The following NRXN3 variants were observed in gnomAD, a reference collection of about 807,000 sequenced individuals.
NRXN3 encodes neurexin 3, also known as neurexin III.
In NRXN3, 32 loss-of-function variants were observed where a neutral mutation model predicts 137.6. That is an observed-to-expected ratio of 0.23 (90% CI 0.18 to 0.31). The LOEUF (loss-of-function observed/expected upper bound fraction) is 0.31, where lower values mean the gene tolerates loss of function less well. Among genes scored for constraint, NRXN3 ranks in the 10% least tolerant of loss-of-function variants. NRXN3 has a pLI of 1.00. For synonymous variants in NRXN3, 798 were observed against 784.5 expected, an observed-to-expected ratio of 1.02 and a Z score of -0.29; for missense variants, 1,574 against 2,062.5, an observed-to-expected ratio of 0.76 and a Z score of 4.59.
chr14:78,670,807 A>C (rs562333160), intron 6 of NRXN3, among the ~76,000 whole-genome samples: 6 of 152,294 alleles, frequency 3.9e-5, no homozygotes, highest in African/African-American at 1.4e-4. Context: ...AAGGGCAGGA[A>C]GAAGCCAGAA....
chr14:78,363,217 G>C (rs913209103), intron 4 of NRXN3, among the ~76,000 whole-genome samples: 1 of 152,144 alleles, frequency 6.6e-6, no homozygotes, highest in East Asian at 1.9e-4. Context: ...CTTGCAGGGC[G>C]TGAGCATCCA....
chr14:78,339,773 G>A (rs2081950218), intron 4 of NRXN3, among the ~76,000 whole-genome samples: 1 of 152,100 alleles, frequency 6.6e-6, no homozygotes, highest in South Asian at 2.1e-4. Flanking sequence ...ATTAGTGCCA[G>A]GGACTTTCTT....
intron 4 of NRXN3, among the ~76,000 whole-genome samples, chr14:78,584,246 G>A (rs2097035682): frequency 6.6e-6 from 1 of 152,166 alleles, no homozygotes; most frequent in Admixed American, 6.5e-5. Flanking sequence ...GATTGAACAA[G>A]CAGAAATTCA....
At chr14:78,333,739 T>A (rs1057113976) in intron 4 of NRXN3, among the ~76,000 whole-genome samples, 4 of 152,124 alleles carry the variant, frequency 2.6e-5, no homozygotes, top group African/African-American at 9.7e-5. Context: ...GGGGGGCATA[T>A]TTTATAAGCC....
rs1299481640 is a variant in NRXN3, at chr14:78,744,137, G to A, written c.2044+28998G>A. Among the ~76,000 whole-genome samples the A allele has an allele frequency of 2.6e-5, 4 of 152,098 alleles. No homozygotes were observed. In the East Asian group the frequency reaches 7.7e-4, roughly 29 times the overall value. ...GCAAGTACCAGGCTGATATCCTGCA[G>A]GTTTTTTGTTTGTTTGTTTGAAATG... On this transcript the variant is annotated intron_variant, in intron 8 of 20. Coordinates refer to ENST00000335750, the MANE Select transcript of NRXN3 (RefSeq NM_001330195.2).
chr14:78,967,348 C>A lies in NRXN3; in HGVS notation c.2918C>A (p.Thr973Asn), dbSNP rs578189474. ...NSNTHSLKVD[T>N]KVVTQVINGA... The stretch of plus-strand genomic sequence containing the variant: ...AACACTCATAGCCTGAAAGTGGACA[C>A]CAAAGTGGTCACTCAGGTTATCAAT... Residue 973 changes from threonine to asparagine, a missense_variant, in exon 13 of 21, where the codon ACC becomes AAC. Transcript: ENST00000335750. The A allele has an allele frequency of 1.2e-5, 20 of 1,613,916 alleles. 2 individuals are homozygous for A. In the South Asian group the frequency reaches 2.2e-4, roughly 18 times the overall value.
intron 19 of NRXN3, among the ~76,000 whole-genome samples, chr14:79,770,810 C>A (rs1352225106): frequency 2.0e-5 from 3 of 151,552 alleles, no homozygotes; most frequent in Non-Finnish European, 4.4e-5. Flanking sequence ...CACAAAAAAC[C>A]CTTCAAAAAA....
chr14:79,091,959 T>C (rs952871249), intron 15 of NRXN3, among the ~76,000 whole-genome samples: 4 of 152,192 alleles, frequency 2.6e-5, no homozygotes, highest in African/African-American at 7.2e-5. Context: ...TAGAACTGAA[T>C]GTGATTTCTA....
chr14:79,532,654 A>G (rs2097180000), intron 16 of NRXN3, among the ~76,000 whole-genome samples: 1 of 152,150 alleles, frequency 6.6e-6, no homozygotes, highest in Non-Finnish European at 1.5e-5. Context: ...GAAGTACCAT[A>G]GGTCTTTGTA....
chr14:78,512,368 C>G (rs970699414), intron 4 of NRXN3, among the ~76,000 whole-genome samples: 2 of 152,124 alleles, frequency 1.3e-5, no homozygotes, highest in African/African-American at 4.8e-5. Flanking sequence ...CAGAAAGGAT[C>G]ACAATTGAGG....
chr14:78,519,550 T>C (rs1024345903), intron 4 of NRXN3, among the ~76,000 whole-genome samples: 1 of 152,176 alleles, frequency 6.6e-6, no homozygotes. Flanking sequence ...TGCCTGGTGC[T>C]GGGAAAGCAA....
intron 15 of NRXN3, among the ~76,000 whole-genome samples, chr14:79,060,100 T>C (rs902470111): frequency 2.6e-5 from 4 of 152,178 alleles, no homozygotes; most frequent in Admixed American, 6.5e-5. Flanking sequence ...TGCCTCAGAC[T>C]TTGTGGAACC....
chr14:78,671,105 A>C (rs2097929810), intron 6 of NRXN3, among the ~76,000 whole-genome samples: 1 of 152,178 alleles, frequency 6.6e-6, no homozygotes, highest in Admixed American at 6.6e-5. Flanking sequence ...TAAAAGGGAA[A>C]ATTAGTGAGG....
intron 1 of NRXN3, among the ~76,000 whole-genome samples, chr14:78,224,503 C>T (rs2064251805): frequency 6.6e-6 from 1 of 151,962 alleles, no homozygotes; most frequent in Non-Finnish European, 1.5e-5. Flanking sequence ...TCAATTCCCA[C>T]CTATGAGTGA....
intron 8 of NRXN3, among the ~76,000 whole-genome samples, chr14:78,801,914 C>G (rs1177915097): frequency 6.6e-6 from 1 of 152,188 alleles, no homozygotes; most frequent in Non-Finnish European, 1.5e-5. Flanking sequence ...TGTCATTTAA[C>G]CACTTGTATG....
At chr14:79,146,115 A>G (rs2059277074) in intron 15 of NRXN3, among the ~76,000 whole-genome samples, 1 of 152,158 alleles carries the variant, frequency 6.6e-6, no homozygotes. Context: ...ATTGCATTTA[A>G]TCCTCATAGC....
intron 5 of NRXN3, among the ~76,000 whole-genome samples, chr14:78,646,486 A>G (rs933395314): frequency 1.3e-5 from 2 of 152,216 alleles, no homozygotes; most frequent in Non-Finnish European, 2.9e-5. Flanking sequence ...CTTCTGCCAC[A>G]TGATTGATTT....
intron 8 of NRXN3, among the ~76,000 whole-genome samples, chr14:78,722,911 A>G (rs903101247): frequency 6.6e-6 from 1 of 152,198 alleles, no homozygotes; most frequent in Non-Finnish European, 1.5e-5. Flanking sequence ...TGGAGAATCA[A>G]AGATCTCCCC....
chr14:78,201,859 C>T (rs937263922), intron 1 of NRXN3, among the ~76,000 whole-genome samples: 2 of 152,118 alleles, frequency 1.3e-5, no homozygotes, highest in African/African-American at 4.8e-5. Context: ...TCCGATGACG[C>T]GCGTCTGAAG....
Sources: allele counts gnomAD v4.1 joint callset (sites outside exome capture counted in the v4.1 genomes callset), GRCh38; gene constraint gnomAD v4.1.1; transcripts MANE v1.5; gene names NCBI Gene and HGNC (gene_info 2026-07-23, HGNC 2026-07-21).